SRPK2: variants seen among roughly 807,000 people sequenced by gnomAD.
SRPK2 encodes SRSF protein kinase 2.
SRPK2 carries 21 observed loss-of-function variants against 90.8 expected under a neutral mutation model. The observed-to-expected ratio is 0.23, with a 90% CI of 0.16 to 0.33. SRPK2 has a LOEUF of 0.33. SRPK2 is among the 10% of genes least tolerant of loss of function. The pLI, the probability that SRPK2 is intolerant of heterozygous loss-of-function variation, is 1.00. For missense variants in SRPK2, 620 were observed against 869.0 expected, an observed-to-expected ratio of 0.71 and a Z score of 3.60; for synonymous variants, 288 against 311.1, an observed-to-expected ratio of 0.93 and a Z score of 0.78.
At chr7:105,361,602 G>A (rs920017752) in intron 2 of SRPK2, among the ~76,000 whole-genome samples, 1 of 152,112 alleles carries the variant, frequency 6.6e-6, no homozygotes, top group Middle Eastern at 3.2e-3. Flanking sequence ...AACAAAAACA[G>A]CATGGTACTG....
intron 3 of SRPK2, among the ~76,000 whole-genome samples, chr7:105,194,177 G>A (rs1794636561): frequency 6.6e-6 from 1 of 152,098 alleles, no homozygotes; most frequent in African/African-American, 2.4e-5. Context: ...CCAAGGTTGT[G>A]AAGATATTCT....
chr7:105,391,487 G>C (rs967532813), upstream of SRPK2, among the ~76,000 whole-genome samples: 3 of 152,160 alleles, frequency 2.0e-5, no homozygotes, highest in Non-Finnish European at 4.4e-5. Flanking sequence ...TTACAGGCAT[G>C]AGCCACTGCG....
intron 2 of SRPK2, among the ~76,000 whole-genome samples, chr7:105,224,898 AG>A (rs1276238767): frequency 6.6e-6 from 1 of 152,266 alleles, no homozygotes; most frequent in Non-Finnish European, 1.5e-5. Context: ...CATGATAAAA[AG>A]CCCCAATCTT....
At chr7:105,260,162 T>A (rs543551532) in intron 2 of SRPK2, among the ~76,000 whole-genome samples, 16 of 152,230 alleles carry the variant, frequency 1.1e-4, no homozygotes, top group Middle Eastern at 3.4e-3. Flanking sequence ...ATATCCAGAA[T>A]CTACCAAGAA....
At chr7:105,365,145 A>C (rs1818878363) in intron 2 of SRPK2, among the ~76,000 whole-genome samples, 2 of 152,074 alleles carry the variant, frequency 1.3e-5, no homozygotes, top group South Asian at 4.1e-4. Flanking sequence ...CCTCTATGGC[A>C]ATTTTTTTCC....
intron 15 of SRPK2, among the ~76,000 whole-genome samples, chr7:105,122,790 GACACACACACAT>G (rs1800578700): frequency 6.6e-6 from 1 of 151,696 alleles, no homozygotes; most frequent in Non-Finnish European, 1.5e-5. Flanking sequence ...TCTGTAGTCT[GACACACACACAT>G]ACACACACGC....
At chr7:105,397,667 T>G (rs1191458350) in intron 1 of SRPK2, among the ~76,000 whole-genome samples, 2 of 148,976 alleles carry the variant, frequency 1.3e-5, no homozygotes, top group Non-Finnish European at 3.0e-5. Context: ...TTTGGGAGAC[T>G]GAGTCTCACT....
chr7:105,170,794 A>AAGGAAGGAAGGACGGAC, intron 3 of SRPK2, among the ~76,000 whole-genome samples: 1 of 74,558 alleles, frequency 1.3e-5, no homozygotes, highest in African/African-American at 5.4e-5. Flanking sequence ...GGAGGGAGGG[A>AAGGAAGGAAGGACGGAC]GGGAGGGAGG....
chr7:105,377,290 T>C (rs1820414845), intron 2 of SRPK2, among the ~76,000 whole-genome samples: 1 of 152,166 alleles, frequency 6.6e-6, no homozygotes, highest in African/African-American at 2.4e-5. Flanking sequence ...TACCATCAGC[T>C]ATACCTGACA....
chr7:105,227,856 C>T (rs1022883631), intron 2 of SRPK2, among the ~76,000 whole-genome samples: 3 of 102,274 alleles, frequency 2.9e-5, no homozygotes, highest in Admixed American at 2.2e-4. Flanking sequence ...ACAGATAAAC[C>T]AAATGTAGTG....
chr7:105,392,033 T>C (rs1418370960), upstream of SRPK2, among the ~76,000 whole-genome samples: 1 of 152,198 alleles, frequency 6.6e-6, no homozygotes, highest in East Asian at 1.9e-4. Flanking sequence ...AAAAAGAATT[T>C]AGTACTGACA....
chr7:105,243,038 G>C (rs899335087), intron 2 of SRPK2, among the ~76,000 whole-genome samples: 1 of 151,918 alleles, frequency 6.6e-6, no homozygotes, highest in Non-Finnish European at 1.5e-5. Flanking sequence ...TTAGAGACAC[G>C]GTCTCACTCT....
intron 13 of SRPK2, among the ~76,000 whole-genome samples, chr7:105,128,434 G>C (rs1275623130): frequency 1.3e-5 from 2 of 152,084 alleles, no homozygotes; most frequent in African/African-American, 2.4e-5. Flanking sequence ...AAACAAAGAA[G>C]ACAGTTGGGC....
intron 2 of SRPK2, among the ~76,000 whole-genome samples, chr7:105,380,068 G>C (rs1271474685): frequency 6.6e-6 from 1 of 152,224 alleles, no homozygotes; most frequent in Non-Finnish European, 1.5e-5. Context: ...CCAAACCCAA[G>C]AGGGTGAAAG....
chr7:105,314,717 T>C (rs1437276847), intron 2 of SRPK2, among the ~76,000 whole-genome samples: 1 of 152,154 alleles, frequency 6.6e-6, no homozygotes, highest in Non-Finnish European at 1.5e-5. Context: ...GCTGACATAG[T>C]AATTGGAAAT....
intron 2 of SRPK2, among the ~76,000 whole-genome samples, chr7:105,220,146 A>G (rs1797922259): frequency 6.6e-6 from 1 of 152,234 alleles, no homozygotes; most frequent in African/African-American, 2.4e-5. Context: ...AAACATAGGG[A>G]AAAATAATGC....
At chr7:105,308,835 A>G (rs1027394031) in intron 2 of SRPK2, among the ~76,000 whole-genome samples, 6 of 152,180 alleles carry the variant, frequency 3.9e-5, no homozygotes, top group African/African-American at 1.4e-4. Context: ...AAACTCCACG[A>G]AAACTAAACA....
intron 3 of SRPK2, among the ~76,000 whole-genome samples, chr7:105,188,462 T>TAA (rs1232194017): frequency 6.6e-6 from 1 of 152,338 alleles, no homozygotes; most frequent in East Asian, 1.9e-4. Context: ...TTGTACCCTT[T>TAA]AAAGCAGAGA....
At chr7:105,134,602 T>C (rs1321926605) in intron 11 of SRPK2, among the ~76,000 whole-genome samples, 2 of 152,218 alleles carry the variant, frequency 1.3e-5, no homozygotes, top group Non-Finnish European at 2.9e-5. Flanking sequence ...TAAACCTCTG[T>C]TGGGGTACAT....
Sources: gnomAD v4.1 joint callset for allele counts (sites outside exome capture counted in the v4.1 genomes callset) on GRCh38, gnomAD v4.1.1 for gene constraint, MANE v1.5 for transcripts, NCBI Gene and HGNC (gene_info 2026-07-23, HGNC 2026-07-21) for gene names.